DNAH11: variants seen among roughly 807,000 people sequenced by gnomAD.
DNAH11 encodes the protein dynein axonemal heavy chain 11, also known as axonemal beta dynein heavy chain 11.
A neutral mutation model predicts 526.0 loss-of-function variants in DNAH11; 442 were observed. The observed-to-expected ratio is 0.84, with a 90% CI of 0.78 to 0.91. The LOEUF (loss-of-function observed/expected upper bound fraction) is 0.91, where lower values mean the gene tolerates loss of function less well. Ranked by LOEUF, DNAH11 falls within the 40% of genes least tolerant of loss-of-function variation. DNAH11 has a pLI of 0.00. For missense variants in DNAH11, 6,989 were observed against 5,448.7 expected (o/e 1.28, Z -8.90); for synonymous variants, 2,461 against 1,935.9 (o/e 1.27, Z -7.12).
intron 35 of DNAH11, among the ~76,000 whole-genome samples, chr7:21,691,301 A>G (rs1011046433): frequency 1.3e-5 from 2 of 151,110 alleles, no homozygotes; most frequent in Non-Finnish European, 2.9e-5. Context: ...CTTGGCCAGT[A>G]TTTGGTAGCC....
intron 70 of DNAH11, among the ~76,000 whole-genome samples, chr7:21,864,895 C>A (rs1362663449): frequency 1.3e-5 from 2 of 152,158 alleles, no homozygotes; most frequent in African/African-American, 4.8e-5. Flanking sequence ...TAAATATGTA[C>A]AATCTGTCAG....
intron 76 of DNAH11, among the ~76,000 whole-genome samples, chr7:21,884,965 G>T (rs2128044004): frequency 6.6e-6 from 1 of 152,046 alleles, no homozygotes; most frequent in Non-Finnish European, 1.5e-5. Context: ...TGTATGTGAG[G>T]TGATAGATTT....
chr7:21,673,724 C>G (rs1782738306), intron 30 of DNAH11, among the ~76,000 whole-genome samples: 1 of 152,170 alleles, frequency 6.6e-6, no homozygotes, highest in South Asian at 2.1e-4. Context: ...TCCACTCATG[C>G]CACATCTTTT....
At chr7:21,569,680 C>G (rs1459677817) in intron 6 of DNAH11, among the ~76,000 whole-genome samples, 1 of 152,170 alleles carries the variant, frequency 6.6e-6, no homozygotes, top group Non-Finnish European at 1.5e-5. Flanking sequence ...AGTGAGCATA[C>G]TTTAAAAATT....
In DNAH11 at chr7:21,779,081, A is replaced by G. The variant is rs1787817883; in HGVS notation, c.9460A>G (p.Ile3154Val). The G allele has an allele frequency of 6.2e-7, 1 of 1,613,070 alleles. No homozygotes were observed. Among genetic ancestry groups the G allele is most frequent in the Non-Finnish European group, 8.5e-7 (1 of 1,179,264 alleles). The change falls in exon 57 of 82, where the codon ATC (isoleucine) becomes GTC (valine). Residue 3154 changes from isoleucine (I) to valine (V), a missense_variant. Ile to Val is a conservative substitution (Grantham distance 29). Transcript: ENST00000409508. ...QTEKVSREKT[I>V]ADAEERKVTA... Reference sequence around the variant, plus strand: ...GGAGAAAGTGAGCCGGGAAAAGACCATCGCTGATGCTGAGGAGCGAAAGGT... The same window carrying G: ...GGAGAAAGTGAGCCGGGAAAAGACCGTCGCTGATGCTGAGGAGCGAAAGGT...
At chr7:21,893,776 T>A (rs1032382850) in intron 77 of DNAH11, among the ~76,000 whole-genome samples, 1 of 152,226 alleles carries the variant, frequency 6.6e-6, no homozygotes, top group Non-Finnish European at 1.5e-5. Context: ...TTAAAAATGT[T>A]GATGTAAATT....
chr7:21,716,039 C>A (rs1784650276), intron 42 of DNAH11, among the ~76,000 whole-genome samples: 2 of 152,082 alleles, frequency 1.3e-5, no homozygotes, highest in Admixed American at 1.3e-4. Flanking sequence ...TGATGTGACT[C>A]CATGAAACCG....
chr7:21,657,044 A>T (rs1264291237), intron 29 of DNAH11, among the ~76,000 whole-genome samples: 1 of 152,142 alleles, frequency 6.6e-6, no homozygotes, highest in East Asian at 1.9e-4. Flanking sequence ...ACTAGCAGGA[A>T]CCCTTGATAT....
At chr7:21,835,143 C>T (rs1347881459) in intron 65 of DNAH11, among the ~76,000 whole-genome samples, 4 of 151,288 alleles carry the variant, frequency 2.6e-5, no homozygotes, top group African/African-American at 7.3e-5. Context: ...CAAAGAAGAG[C>T]CCTAGGACCT....
chr7:21,824,504 A>C lies in DNAH11; in HGVS notation c.10691+6165A>C, dbSNP rs938509910. On this transcript the variant is annotated intron_variant, in intron 65 of 81. Coordinates refer to ENST00000409508, the MANE Select transcript of DNAH11 (RefSeq NM_001277115.2). ...TTTAGTCAAGTTTCTAGAATGTGAC[A>C]GGCATATGAAGATCAAAGATCTGTC... Among the ~76,000 whole-genome samples the C allele has an allele frequency of 5.3e-5, 8 of 152,314 alleles. No individual in the cohort carries two copies. The South Asian group carries it at 1.5e-3, about 28-fold the overall frequency.
At chr7:21,597,861 G>A (rs1053302971) in intron 14 of DNAH11, among the ~76,000 whole-genome samples, 7 of 152,164 alleles carry the variant, frequency 4.6e-5, no homozygotes, top group Admixed American at 3.9e-4. Flanking sequence ...CTCTTTTAGT[G>A]CCTACAAAGG....
chr7:21,830,108 T>C (rs1409755364), intron 65 of DNAH11, among the ~76,000 whole-genome samples: 5 of 152,144 alleles, frequency 3.3e-5, no homozygotes, highest in Non-Finnish European at 1.5e-5. Flanking sequence ...ATATCTGACG[T>C]TTGAAAGGTT....
At chr7:21,731,649 C>G (rs1460641139) in intron 45 of DNAH11, among the ~76,000 whole-genome samples, 3 of 152,180 alleles carry the variant, frequency 2.0e-5, no homozygotes, top group Admixed American at 6.5e-5. Context: ...GCTTTGCTTT[C>G]TGAGGTTTTG....
chr7:21,790,744 C>CT (rs1042257689), intron 61 of DNAH11, among the ~76,000 whole-genome samples: 2 of 152,150 alleles, frequency 1.3e-5, no homozygotes, highest in African/African-American at 4.8e-5. Context: ...AGTTGGGACA[C>CT]TTGAAGTGTC....
At chr7:21,884,983 AG>A (rs1377007576) in intron 76 of DNAH11, among the ~76,000 whole-genome samples, 2 of 152,090 alleles carry the variant, frequency 1.3e-5, no homozygotes, top group Non-Finnish European at 2.9e-5. Context: ...TTTGTTAATT[AG>A]CCTGATTTAA....
intron 14 of DNAH11, among the ~76,000 whole-genome samples, chr7:21,597,988 C>A (rs985377576): frequency 6.6e-6 from 1 of 152,108 alleles, no homozygotes; most frequent in Non-Finnish European, 1.5e-5. Context: ...ACACAGCATT[C>A]CTGAGAAGGA....
At chr7:21,577,621 C>T (rs570623988) in intron 8 of DNAH11, among the ~76,000 whole-genome samples, 6 of 152,282 alleles carry the variant, frequency 3.9e-5, no homozygotes, top group African/African-American at 9.6e-5. Context: ...CCCAACCCAG[C>T]GGTAACAAGG....
At chr7:21,805,601 A>G (rs1789229156) in intron 62 of DNAH11, among the ~76,000 whole-genome samples, 2 of 152,180 alleles carry the variant, frequency 1.3e-5, no homozygotes, top group Admixed American at 6.5e-5. Flanking sequence ...TTTGTGAGGT[A>G]CCTGAGAAAA....
chr7:21,657,031 G>T (rs1005411871), intron 29 of DNAH11, among the ~76,000 whole-genome samples: 1 of 152,192 alleles, frequency 6.6e-6, no homozygotes, highest in Non-Finnish European at 1.5e-5. Context: ...GGATGTGGTT[G>T]TCACTAGCAG....
Sources: gnomAD v4.1 joint callset for allele counts (sites outside exome capture counted in the v4.1 genomes callset) on GRCh38, gnomAD v4.1.1 for gene constraint, MANE v1.5 for transcripts, NCBI Gene and HGNC (gene_info 2026-07-23, HGNC 2026-07-21) for gene names.